CDH13: variants seen among roughly 807,000 people sequenced by gnomAD.
CDH13 encodes cadherin 13.
CDH13 carries 24 observed loss-of-function variants against 63.8 expected under a neutral mutation model. The observed-to-expected ratio is 0.38, with a 90% CI of 0.27 to 0.53. The LOEUF (loss-of-function observed/expected upper bound fraction) is 0.53. Ranked by LOEUF, CDH13 falls within the 20% of genes least tolerant of loss-of-function variation. The pLI is 0.85. For synonymous variants in CDH13, 503 were observed against 355.3 expected (o/e 1.42, Z -4.67); for missense variants, 1,049 against 903.1 (o/e 1.16, Z -2.07).
chr16:83,568,481 GA>G, intron 7 of CDH13, among the ~76,000 whole-genome samples: 1 of 152,200 alleles, frequency 6.6e-6, no homozygotes, highest in African/African-American at 2.4e-5. Context: ...AGTTATTGAT[GA>G]ATCATTGTTT....
Position 82,764,053 on chromosome 16 carries a change from C to T in CDH13, c.46-94309C>T, listed in dbSNP as rs553965159. The stretch of plus-strand genomic sequence containing the variant: ...ATTCCAAACTGCTTGTTTTAGTATG[C>T]GCTAATGCATCAACCTTTTATTACT... On this transcript the variant is annotated intron_variant, in intron 1 of 13. Transcript: ENST00000567109. Among the ~76,000 whole-genome samples, 13 of 152,290 alleles carry T rather than the reference C, an allele frequency of 8.5e-5. No homozygotes were observed. The East Asian group carries it at 1.3e-3, about 16-fold the overall frequency.
chr16:83,481,986 G>T (rs1020505790), intron 6 of CDH13, among the ~76,000 whole-genome samples: 4 of 152,176 alleles, frequency 2.6e-5, no homozygotes, highest in African/African-American at 9.7e-5. Flanking sequence ...TGGAGCAGGT[G>T]CACTGAGGCC....
intron 7 of CDH13, among the ~76,000 whole-genome samples, chr16:83,520,238 C>G (rs1472890300): frequency 1.3e-5 from 2 of 152,070 alleles, no homozygotes; most frequent in African/African-American, 4.8e-5. Context: ...CTCACAGGCT[C>G]TAAGTGGAGC....
intron 2 of CDH13, among the ~76,000 whole-genome samples, chr16:82,889,785 A>C (rs927531782): frequency 6.6e-6 from 1 of 152,218 alleles, no homozygotes; most frequent in Non-Finnish European, 1.5e-5. Flanking sequence ...TTGAAAGTCC[A>C]TTTCTTTCAA....
At chr16:83,440,747 C>CG (rs1567674160) in intron 6 of CDH13, among the ~76,000 whole-genome samples, 1 of 149,484 alleles carries the variant, frequency 6.7e-6, no homozygotes, top group East Asian at 2.0e-4. Context: ...ACTGAGCCAC[C>CG]GCACTCCAGC....
At chr16:83,368,937 T>TATATATATATATAC (rs1567622155) in intron 6 of CDH13, among the ~76,000 whole-genome samples, 7 of 68,912 alleles carry the variant, frequency 1.0e-4, no homozygotes, top group East Asian at 4.4e-4. Flanking sequence ...TATATATATA[T>TATATATATATATAC]ACTAGGTTTT....
chr16:83,513,488 G>A (rs1448722974), intron 7 of CDH13, among the ~76,000 whole-genome samples: 1 of 152,122 alleles, frequency 6.6e-6, no homozygotes, highest in Admixed American at 6.6e-5. Flanking sequence ...ATTTATAAAG[G>A]AAAGAGGTTT....
chr16:83,782,534 G>A (rs951169893), intron 12 of CDH13, among the ~76,000 whole-genome samples: 1 of 152,132 alleles, frequency 6.6e-6, no homozygotes, highest in Non-Finnish European at 1.5e-5. Flanking sequence ...TCAGGAGTTT[G>A]AGACCAGCAT....
chr16:83,140,179 C>G (rs141099663), intron 4 of CDH13, among the ~76,000 whole-genome samples: 3 of 152,218 alleles, frequency 2.0e-5, no homozygotes, highest in Non-Finnish European at 4.4e-5. Context: ...AACATTCCAA[C>G]AAGCCTCCTG....
intron 5 of CDH13, among the ~76,000 whole-genome samples, chr16:83,292,684 G>T (rs779835314): frequency 1.3e-5 from 2 of 152,090 alleles, no homozygotes; most frequent in African/African-American, 4.8e-5. Context: ...AATTGGAATC[G>T]TTGGGAATCT....
intron 8 of CDH13, among the ~76,000 whole-genome samples, chr16:83,620,355 C>T (rs988826343): frequency 1.5e-5 from 2 of 136,282 alleles, no homozygotes; most frequent in African/African-American, 2.8e-5. Context: ...CGCACCACTG[C>T]ACTACAACCT....
chr16:83,099,773 C>A (rs1345080099), intron 3 of CDH13, among the ~76,000 whole-genome samples: 1 of 151,890 alleles, frequency 6.6e-6, no homozygotes, highest in Non-Finnish European at 1.5e-5. Context: ...ATAATAAAAC[C>A]AAAAGGCTGT....
At chr16:83,154,917 CT>C (rs2037144054) in intron 4 of CDH13, among the ~76,000 whole-genome samples, 1 of 152,160 alleles carries the variant, frequency 6.6e-6, no homozygotes, top group South Asian at 2.1e-4. Flanking sequence ...CAATCTTGAA[CT>C]ACATGTACAG....
chr16:83,437,737 A>C (rs777571649), intron 6 of CDH13, among the ~76,000 whole-genome samples: 2 of 152,208 alleles, frequency 1.3e-5, no homozygotes, highest in African/African-American at 4.8e-5. Flanking sequence ...GTCAGAAAAA[A>C]AATAACATTC....
At chr16:83,606,139 T>C (rs1315902762) in intron 8 of CDH13, among the ~76,000 whole-genome samples, 2 of 152,212 alleles carry the variant, frequency 1.3e-5, no homozygotes, top group Non-Finnish European at 2.9e-5. Flanking sequence ...CAAGGTTTAG[T>C]CATTCCAAAA....
chr16:83,458,910 G>C lies in CDH13; in HGVS notation c.782-27567G>C, dbSNP rs77306249. Among the ~76,000 whole-genome samples the C allele has an allele frequency of 2.7e-3, 407 of 152,346 alleles. 2 individuals are homozygous for C. Among genetic ancestry groups the C allele is most frequent in the African/African-American group, 9.6e-3 (399 of 41,572 alleles). On this transcript the variant is annotated intron_variant, in intron 6 of 13. Transcript: ENST00000567109. ...AACATCCCATCATGCACTGCTTCTAGATATTGTCAAGAGAAGGGTATATTA... is the reference window on the plus strand; with the variant it reads ...AACATCCCATCATGCACTGCTTCTACATATTGTCAAGAGAAGGGTATATTA...
chr16:83,683,345 G>A (rs1370245689), intron 10 of CDH13, among the ~76,000 whole-genome samples: 4 of 152,178 alleles, frequency 2.6e-5, no homozygotes, highest in Non-Finnish European at 4.4e-5. Context: ...GAAAAGACAG[G>A]TAAGAATAAG....
chr16:82,992,709 A>T (rs11150530), intron 2 of CDH13, among the ~76,000 whole-genome samples: 32,293 of 152,182 alleles, frequency 0.21, 4,295 homozygotes, highest in East Asian at 0.33. Context: ...ATACAAAAAA[A>T]AGTTACTATG....
At chr16:82,981,022 C>G (rs1202821354) in intron 2 of CDH13, among the ~76,000 whole-genome samples, 1 of 152,134 alleles carries the variant, frequency 6.6e-6, no homozygotes, top group Non-Finnish European at 1.5e-5. Context: ...ACAAAGGGAG[C>G]TCAGGTGCAT....
Sources: gnomAD v4.1 joint callset for allele counts (sites outside exome capture counted in the v4.1 genomes callset) on GRCh38, gnomAD v4.1.1 for gene constraint, MANE v1.5 for transcripts, NCBI Gene and HGNC (gene_info 2026-07-23, HGNC 2026-07-21) for gene names.